The following KIAA2012 variants were observed in gnomAD, a reference collection of about 807,000 sequenced individuals.
KIAA2012 encodes KIAA2012, also known as uncharacterized protein KIAA2012.
In KIAA2012, 125 loss-of-function variants were observed where a neutral mutation model predicts 150.6. The ratio of observed to expected loss-of-function variants is 0.83; its 90% CI spans 0.72 to 0.96. The LOEUF is 0.96. Among genes scored for constraint, KIAA2012 ranks in the 40% least tolerant of loss-of-function variants. The probability of loss-of-function intolerance (pLI) is 0.00; values close to 1 mark genes in which losing one functional copy is unlikely to be tolerated. For synonymous variants in KIAA2012, 462 were observed against 504.7 expected, an observed-to-expected ratio of 0.92 and a Z score of 1.13; for missense variants, 1,219 against 1,354.9, an observed-to-expected ratio of 0.90 and a Z score of 1.57.
chr2:202,204,074 TTG>T (rs1178883416), intron 23 of KIAA2012, among the ~76,000 whole-genome samples: 1,030 of 71,452 alleles, frequency 0.014, 8 homozygotes, highest in African/African-American at 0.023. Context: ...CAGCGGTTTT[TTG>T]TTTTTTTTTT....
intron 3 of KIAA2012, 86 bp from the exon 4 acceptor site, chr2:202,092,944 T>C: frequency 1.7e-6 from 2 of 1,177,728 alleles, no homozygotes; most frequent in South Asian, 1.5e-5. Flanking sequence ...CCAAGACTAG[T>C]GTAAGTGAGG....
At chr2:202,087,821 A>G (rs1487421806) in intron 2 of KIAA2012, among the ~76,000 whole-genome samples, 1 of 152,132 alleles carries the variant, frequency 6.6e-6, no homozygotes, top group Admixed American at 6.5e-5. Context: ...TAAAGAAACA[A>G]AGACCTTCCA....
intron 13 of KIAA2012, among the ~76,000 whole-genome samples, chr2:202,148,638 C>T (rs1053590134): frequency 7.9e-5 from 12 of 152,158 alleles, no homozygotes; most frequent in Non-Finnish European, 1.8e-4. Context: ...CGCTGTGGCT[C>T]GGGGGTTCTG....
At chr2:202,181,428 A>T (rs1692119503) in intron 15 of KIAA2012, among the ~76,000 whole-genome samples, 1 of 152,172 alleles carries the variant, frequency 6.6e-6, no homozygotes, top group South Asian at 2.1e-4. Flanking sequence ...GAAAAATTTT[A>T]AAACATTAGC....
intron 20 of KIAA2012, 79 bp downstream of exon 20, chr2:202,193,582 C>T: frequency 7.1e-7 from 1 of 1,416,238 alleles, no homozygotes. Flanking sequence ...CCCCTAGGGG[C>T]AATGTTTGGT....
intron 23 of KIAA2012, among the ~76,000 whole-genome samples, chr2:202,204,786 T>C (rs1692610184): frequency 6.6e-6 from 1 of 152,196 alleles, no homozygotes; most frequent in Non-Finnish European, 1.5e-5. Context: ...GTATCAGTCA[T>C]ACTGAACTTA....
chr2:202,193,468 G>A lies in KIAA2012; in HGVS notation c.2979G>A (p.Leu993=). 6.5e-7 allele frequency: 1 copy of A among 1,550,248 alleles called. No individual in the cohort carries two copies. The highest frequency in any genetic ancestry group is 8.7e-7 in the Non-Finnish European group (1 of 1,146,878). Residue 993 remains leucine (L), a synonymous_variant, in exon 20 of 24, where the codon CTG becomes CTA. Coordinates refer to ENST00000498697, the MANE Select transcript of KIAA2012 (RefSeq NM_001277372.4). ...GAGCAAAAAAGATGGAGGAGGAGCT[G>A]GAGCTGGAGCAGCAGAGACGTACAG... ...LERAKKMEEE[L]ELEQQRRTEE... is the part of the protein sequence containing the mutation.
intron 19 of KIAA2012, among the ~76,000 whole-genome samples, chr2:202,190,817 A>C (rs909354939): frequency 1.3e-5 from 2 of 152,196 alleles, no homozygotes; most frequent in Admixed American, 1.3e-4. Context: ...TTACAGGGAA[A>C]GGTGGGTACT....
At chr2:202,123,090 T>A (rs548675211) in intron 11 of KIAA2012, among the ~76,000 whole-genome samples, 159 of 152,236 alleles carry the variant, frequency 1.0e-3, no homozygotes, top group African/African-American at 3.7e-3. Context: ...GGGGAAATGG[T>A]TGAGCTTCCT....
Position 202,103,115 on chromosome 2 carries a change from G to T in KIAA2012, c.1324+1G>T, listed in dbSNP as rs193019492. 351 of 1,550,286 alleles carry T rather than the reference G, an allele frequency of 2.3e-4. No homozygotes were observed. Among genetic ancestry groups the T allele is most frequent in the Admixed American group, 9.2e-4 (47 of 50,988 alleles). On this transcript the variant is annotated splice_donor_variant, in intron 8 of 23. Transcript: ENST00000498697. LOFTEE classifies it high-confidence loss of function. ...CCAAAAGAGAAAGCCCACAGAAGAG[G>T]TAGGTCCCGGGTGCATGGGCACTCC...
intron 11 of KIAA2012, among the ~76,000 whole-genome samples, chr2:202,124,277 C>T (rs1376437538): frequency 6.6e-6 from 1 of 152,202 alleles, no homozygotes; most frequent in Non-Finnish European, 1.5e-5. Flanking sequence ...TCACAAGTCT[C>T]ATTCTAATTC....
chr2:202,084,591 T>C (rs748835220), intron 2 of KIAA2012, among the ~76,000 whole-genome samples: 3 of 152,154 alleles, frequency 2.0e-5, no homozygotes, highest in Non-Finnish European at 2.9e-5. Context: ...TCTGAAACCA[T>C]CCATAGCCAG....
rs1691737688 is a variant in KIAA2012 at position 202,165,457 on chromosome 2, C to T, written c.2119+101C>T. 5.9e-6 allele frequency: 7 copies of T among 1,185,400 alleles called. No homozygotes were observed. In the East Asian group the frequency reaches 1.3e-4, roughly 22 times the overall value. 73.4% of individuals were successfully genotyped at this position (1,185,400 alleles called of 1,614,324 possible). On this transcript the variant is annotated intron_variant, in intron 15 of 23. Transcript: ENST00000498697. ...TAATGGGAGGCCAGGCACGGTGGCT[C>T]ACGCCTGTAGTCCCAGCACTTTGTG...
chr2:202,171,059 C>T lies in KIAA2012; in HGVS notation c.2119+5703C>T, dbSNP rs77215662. ...AACAGCTATCAAAAAGAGGGTTCGC[C>T]CCCCACGGGAGAAAACAGCAAGGTC... On this transcript the variant is annotated intron_variant, in intron 15 of 23. Transcript: ENST00000498697. 1.4e-3 allele frequency among the ~76,000 whole-genome samples: 216 copies of T among 151,872 alleles called. 4 individuals are homozygous for T. The East Asian group carries it at 0.041, about 29-fold the overall frequency.
chr2:202,079,709 G>GGTTTT (rs1446939833), intron 2 of KIAA2012, among the ~76,000 whole-genome samples: 1 of 152,088 alleles, frequency 6.6e-6, no homozygotes, highest in Non-Finnish European at 1.5e-5. Context: ...TCGCTTGGTT[G>GGTTTT]GTTTTTTGTT....
chr2:202,188,224 G>A lies in KIAA2012; in HGVS notation c.2449G>A (p.Glu817Lys), dbSNP rs35468542. The A allele has an allele frequency of 0.12, 187,587 of 1,549,842 alleles. 12,519 individuals carry two copies. Among genetic ancestry groups the A allele is most frequent in the Admixed American group, 0.14 (7,267 of 50,916 alleles). ...AGACAAAACCAAAGGACCCAAAAGC[G>A]AGAGAGAAGGAAAGGTCTACGGGCA... ...KKDKTKGPKS[E>K]REGKVYGQAE... Residue 817 changes from glutamate (E) to lysine (K), a missense_variant, in exon 18 of 24, where the codon GAG (glutamate) becomes AAG (lysine). Transcript: ENST00000498697.
intron 15 of KIAA2012, among the ~76,000 whole-genome samples, chr2:202,175,930 A>G (rs1230964086): frequency 6.6e-6 from 1 of 152,252 alleles, no homozygotes; most frequent in Admixed American, 6.5e-5. Flanking sequence ...ATGTGCCCAC[A>G]TATGGAAACT....
chr2:202,133,450 C>T (rs998037633), intron 12 of KIAA2012, among the ~76,000 whole-genome samples: 1 of 151,976 alleles, frequency 6.6e-6, no homozygotes, highest in Non-Finnish European at 1.5e-5. Context: ...ATTCCCAAAG[C>T]TAAAGCTAGA....
chr2:202,170,545 T>C (rs966522498), intron 15 of KIAA2012, among the ~76,000 whole-genome samples: 8 of 152,196 alleles, frequency 5.3e-5, no homozygotes, highest in Non-Finnish European at 1.0e-4. Context: ...GCCTTCATGG[T>C]TGGATAAAAC....
Sources: allele counts gnomAD v4.1 joint callset (sites outside exome capture counted in the v4.1 genomes callset), GRCh38; gene constraint gnomAD v4.1.1; transcripts MANE v1.5; gene names NCBI Gene and HGNC (gene_info 2026-07-23, HGNC 2026-07-21).